The following FSTL4 variants were observed in gnomAD, a reference collection of about 807,000 sequenced individuals.
The protein encoded by FSTL4 is follistatin like 4.
A neutral mutation model predicts 78.2 loss-of-function variants in FSTL4; 28 were observed. The observed-to-expected ratio is 0.36, with a 90% confidence interval of 0.27 to 0.49. The LOEUF (loss-of-function observed/expected upper bound fraction) is 0.49, where lower values mean the gene tolerates loss of function less well. Among genes scored for constraint, FSTL4 ranks in the 20% least tolerant of loss-of-function variants. The pLI is 0.98. For missense variants in FSTL4, 922 were observed against 1,084.9 expected, an observed-to-expected ratio of 0.85 and a Z score of 2.11; for synonymous variants, 422 against 440.5, an observed-to-expected ratio of 0.96 and a Z score of 0.53.
chr5:133,431,901 C>T (rs2126996559), intron 3 of FSTL4, among the ~76,000 whole-genome samples: 1 of 152,140 alleles, frequency 6.6e-6, no homozygotes, highest in Non-Finnish European at 1.5e-5. Context: ...AATAGTGATA[C>T]TAGCATTTAT....
the FSTL4 span, among the ~76,000 whole-genome samples, chr5:133,838,496 G>A: frequency 1.3e-5 from 2 of 152,196 alleles, no homozygotes; most frequent in African/African-American, 4.8e-5. Context: ...TCTCCCATGA[G>A]GTTGCAATCA....
At chr5:133,719,614 G>A in the FSTL4 span, among the ~76,000 whole-genome samples, 7 of 149,934 alleles carry the variant, frequency 4.7e-5, no homozygotes, top group African/African-American at 1.5e-4. Context: ...CAGAGGCTGC[G>A]GTGAGCCAAG....
At chr5:133,576,987 C>T (rs1185277524) in intron 2 of FSTL4, among the ~76,000 whole-genome samples, 2 of 152,194 alleles carry the variant, frequency 1.3e-5, no homozygotes, top group East Asian at 3.9e-4. Flanking sequence ...TGACAAAATA[C>T]AGCTAAATAA....
At chr5:133,687,518 C>T in the FSTL4 span, among the ~76,000 whole-genome samples, 1 of 152,224 alleles carries the variant, frequency 6.6e-6, no homozygotes, top group East Asian at 1.9e-4. Flanking sequence ...CTGAGGAACA[C>T]CCAGGGGGGC....
At chr5:133,751,857 G>C in the FSTL4 span, among the ~76,000 whole-genome samples, 1 of 152,204 alleles carries the variant, frequency 6.6e-6, no homozygotes, top group Non-Finnish European at 1.5e-5. Flanking sequence ...AGGCTTTTTG[G>C]AGTCATGGGT....
intron 6 of FSTL4, among the ~76,000 whole-genome samples, chr5:133,300,973 G>A (rs1753525588): frequency 6.6e-6 from 1 of 152,214 alleles, no homozygotes; most frequent in Admixed American, 6.5e-5. Flanking sequence ...GGTTCTGCAG[G>A]ACAGTAATCC....
chr5:133,746,472 T>C, the FSTL4 span, among the ~76,000 whole-genome samples: 1 of 152,130 alleles, frequency 6.6e-6, no homozygotes, highest in African/African-American at 2.4e-5. Flanking sequence ...TGTAAATCAG[T>C]TTGTCTTCCG....
chr5:133,380,979 C>T (rs1010509009), intron 4 of FSTL4, among the ~76,000 whole-genome samples: 14 of 152,034 alleles, frequency 9.2e-5, no homozygotes, highest in African/African-American at 3.1e-4. Context: ...AGGGCAAAAC[C>T]CTCAGTAGTT....
At chr5:133,781,227 C>T in the FSTL4 span, among the ~76,000 whole-genome samples, 1 of 152,218 alleles carries the variant, frequency 6.6e-6, no homozygotes, top group East Asian at 1.9e-4. Context: ...TATTTGGTGG[C>T]CCAGCTGGGA....
chr5:133,428,296 C>A (rs1253299366), intron 3 of FSTL4, among the ~76,000 whole-genome samples: 2 of 152,120 alleles, frequency 1.3e-5, no homozygotes, highest in Admixed American at 6.5e-5. Context: ...AGAAGTAGGG[C>A]CTGCTGCACC....
rs746148995 is a variant in FSTL4, at chr5:133,225,861, G to A, written c.1016-42C>T. 5 of 1,465,222 alleles carry A rather than the reference G, an allele frequency of 3.4e-6. 1 individual carries two copies. In the African/African-American group the frequency reaches 7.1e-5, roughly 21 times the overall value. 90.8% of individuals were successfully genotyped at this position (1,465,222 alleles called of 1,614,324 possible). On this transcript the variant is annotated intron_variant, in intron 8 of 15. Coordinates refer to ENST00000265342, the MANE Select transcript of FSTL4 (RefSeq NM_015082.2). This position sits in a 1 kb window ranked among gnomAD's most constrained non-coding sequence, Gnocchi z 4.6. Reference sequence around the variant, plus strand: ...GTGCTGGTGAGAAAGAGACGGCCCTGACCTGGACTTGGGCCTGTGGCCCAA... The same window carrying A: ...GTGCTGGTGAGAAAGAGACGGCCCTAACCTGGACTTGGGCCTGTGGCCCAA...
At chr5:133,503,503 C>G (rs1284853888) in intron 3 of FSTL4, among the ~76,000 whole-genome samples, 2 of 152,078 alleles carry the variant, frequency 1.3e-5, no homozygotes, top group Admixed American at 1.3e-4. Flanking sequence ...TTCAGACAGG[C>G]TTGGTGTAAA....
chr5:133,272,626 T>G (rs1454880130), intron 6 of FSTL4, among the ~76,000 whole-genome samples: 1 of 152,260 alleles, frequency 6.6e-6, no homozygotes, highest in East Asian at 1.9e-4. Flanking sequence ...TTAAAAAGTG[T>G]CATCCAAAAG....
intron 6 of FSTL4, among the ~76,000 whole-genome samples, chr5:133,258,778 T>A (rs1407974475): frequency 6.6e-6 from 1 of 152,194 alleles, no homozygotes; most frequent in East Asian, 1.9e-4. Context: ...GCAGCTGGTG[T>A]TAATTACATA....
the FSTL4 span, among the ~76,000 whole-genome samples, chr5:133,647,458 C>T: frequency 6.6e-6 from 1 of 152,170 alleles, no homozygotes; most frequent in East Asian, 1.9e-4. Context: ...GACAAAGCAA[C>T]CTGCAATGAT....
At chr5:133,462,384 C>A (rs142869712) in intron 3 of FSTL4, among the ~76,000 whole-genome samples, 1 of 152,220 alleles carries the variant, frequency 6.6e-6, no homozygotes, top group African/African-American at 2.4e-5. Flanking sequence ...AGGGCACATG[C>A]GTGCTCTTGT....
At chr5:133,532,428 G>A (rs756965064) in intron 3 of FSTL4, among the ~76,000 whole-genome samples, 7 of 152,118 alleles carry the variant, frequency 4.6e-5, no homozygotes, top group Middle Eastern at 6.3e-3. Context: ...GATCTGATTG[G>A]GAATAGAAAC....
chr5:133,345,830 G>C (rs1754686389), intron 4 of FSTL4, among the ~76,000 whole-genome samples: 1 of 152,196 alleles, frequency 6.6e-6, no homozygotes, highest in East Asian at 1.9e-4. Context: ...AAGACAGTGT[G>C]GCGATTCCTC....
At chr5:133,557,929 C>T (rs1486641823) in intron 3 of FSTL4, among the ~76,000 whole-genome samples, 1 of 152,174 alleles carries the variant, frequency 6.6e-6, no homozygotes, top group African/African-American at 2.4e-5. Flanking sequence ...GCTGAGACAG[C>T]CATGCTTTGG....
Sources: allele counts gnomAD v4.1 joint callset (sites outside exome capture counted in the v4.1 genomes callset), GRCh38; gene constraint gnomAD v4.1.1; non-coding constraint Gnocchi (gnomAD v3.1); transcripts MANE v1.5; gene names NCBI Gene and HGNC (gene_info 2026-07-23, HGNC 2026-07-21).